SNX29: variants seen among roughly 807,000 people sequenced by gnomAD.
The protein encoded by SNX29 is sorting nexin-29.
SNX29 carries 78 observed loss-of-function variants against 102.1 expected under a neutral mutation model. The observed-to-expected ratio is 0.76, with a 90% CI of 0.64 to 0.92. The LOEUF (loss-of-function observed/expected upper bound fraction) is 0.92. Ranked by LOEUF, SNX29 falls within the 40% of genes least tolerant of loss-of-function variation. The probability of loss-of-function intolerance (pLI) is 0.00; values close to 1 mark genes in which losing one functional copy is unlikely to be tolerated. For missense variants in SNX29, 1,280 were observed against 1,061.7 expected (o/e 1.21, Z -2.86); for synonymous variants, 580 against 414.5 (o/e 1.40, Z -4.85).
chr16:12,548,654 T>G (rs1157520520), intron 20 of SNX29, among the ~76,000 whole-genome samples: 2 of 152,198 alleles, frequency 1.3e-5, no homozygotes, highest in Non-Finnish European at 2.9e-5. Flanking sequence ...TCATTTGGTG[T>G]CAACTCAGCA....
At chr16:12,382,979 A>C (rs1193718508) in intron 16 of SNX29, among the ~76,000 whole-genome samples, 2 of 152,016 alleles carry the variant, frequency 1.3e-5, no homozygotes, top group Non-Finnish European at 2.9e-5. Flanking sequence ...CCACATTTAC[A>C]AGTCACATTT....
intron 14 of SNX29, among the ~76,000 whole-genome samples, chr16:12,246,075 C>G (rs1308441190): frequency 6.6e-6 from 1 of 152,170 alleles, no homozygotes; most frequent in Non-Finnish European, 1.5e-5. Context: ...TGCTGTGTTT[C>G]TATCTCTGTT....
chr16:12,377,993 G>C (rs994781529), intron 16 of SNX29, among the ~76,000 whole-genome samples: 3 of 152,148 alleles, frequency 2.0e-5, no homozygotes, highest in African/African-American at 7.2e-5. Context: ...TGGGATCATG[G>C]TTTTTGTATT....
chr16:12,211,683 C>A (rs1230014442), intron 14 of SNX29, among the ~76,000 whole-genome samples: 1 of 152,068 alleles, frequency 6.6e-6, no homozygotes, highest in South Asian at 2.1e-4. Flanking sequence ...GGCTGGAGTC[C>A]AGAGAGAAAC....
intron 15 of SNX29, among the ~76,000 whole-genome samples, chr16:12,318,118 G>T (rs1381529810): frequency 6.6e-6 from 1 of 152,248 alleles, no homozygotes; most frequent in African/African-American, 2.4e-5. Flanking sequence ...CATTTCACAT[G>T]TGAGCCCCCA....
In SNX29 at chr16:12,161,882, T is replaced by G. The variant is rs552167608; in HGVS notation, c.1595+32124T>G. On this transcript the variant is annotated intron_variant, in intron 13 of 20. Coordinates refer to ENST00000566228, the MANE Select transcript of SNX29 (RefSeq NM_032167.5). ...GCTGGACCGCGTTTCTTACACAGTCTGCAGAACTGTGAACCAAATAGACCT... is the reference window on the plus strand; with the variant it reads ...GCTGGACCGCGTTTCTTACACAGTCGGCAGAACTGTGAACCAAATAGACCT... Among the ~76,000 whole-genome samples, 353 of 152,314 alleles carry G rather than the reference T, an allele frequency of 2.3e-3. 1 individual carries two copies. Among genetic ancestry groups the G allele is most frequent in the Non-Finnish European group, 4.1e-3 (281 of 68,032 alleles).
At chr16:12,430,103 C>G in intron 18 of SNX29, among the ~76,000 whole-genome samples, 1 of 152,238 alleles carries the variant, frequency 6.6e-6, no homozygotes, top group East Asian at 1.9e-4. Context: ...CCATTGTGAA[C>G]TGTGCATACA....
chr16:12,120,068 G>A (rs963355643), intron 11 of SNX29, among the ~76,000 whole-genome samples: 3 of 152,198 alleles, frequency 2.0e-5, no homozygotes, highest in Non-Finnish European at 4.4e-5. Flanking sequence ...GCAGGAGAGA[G>A]AAACAGAACG....
chr16:12,552,950 A>C (rs373585671), intron 20 of SNX29, among the ~76,000 whole-genome samples: 2 of 152,362 alleles, frequency 1.3e-5, no homozygotes, highest in African/African-American at 4.8e-5. Flanking sequence ...CCACGTCATC[A>C]GGAACATGGA....
chr16:12,535,761 G>C lies in SNX29; in HGVS notation c.2318+10920G>C, dbSNP rs986916173. On this transcript the variant is annotated intron_variant, in intron 20 of 20. Transcript: ENST00000566228. Reference sequence around the variant, plus strand: ...TCACGCTCGTCTTCCACCACTGTGTGTCTCCTCTGGAGGTCCTCAGAGTAT... The same window carrying C: ...TCACGCTCGTCTTCCACCACTGTGTCTCTCCTCTGGAGGTCCTCAGAGTAT... Among the ~76,000 whole-genome samples the C allele has an allele frequency of 6.6e-5, 10 of 152,020 alleles. No homozygotes were observed. In the East Asian group the frequency reaches 7.7e-4, roughly 12 times the overall value.
Position 12,569,360 on chromosome 16 carries a change from G to C in SNX29, c.*731G>C, listed in dbSNP as rs1030061868. 9 of 230,220 alleles carry C rather than the reference G, an allele frequency of 3.9e-5. No homozygotes were observed. The South Asian group carries it at 1.6e-3, about 42-fold the overall frequency. 14.3% of individuals were successfully genotyped at this position (230,220 alleles called of 1,614,324 possible). Reference sequence around the variant, plus strand: ...GGCCACCTAGGCCCTCGCCAGGCTTGGAGTGGGGGGACTCAGACATCTGGC... The same window carrying C: ...GGCCACCTAGGCCCTCGCCAGGCTTCGAGTGGGGGGACTCAGACATCTGGC... On this transcript the variant is annotated 3_prime_UTR_variant, in exon 21 of 21. Coordinates refer to ENST00000566228, the MANE Select transcript of SNX29 (RefSeq NM_032167.5).
At chr16:12,446,321 G>C (rs1004231891) in intron 18 of SNX29, among the ~76,000 whole-genome samples, 4 of 152,202 alleles carry the variant, frequency 2.6e-5, no homozygotes, top group Admixed American at 1.3e-4. Context: ...CTCCCAAAGT[G>C]CTGGGATTAC....
chr16:12,452,569 G>C (rs920673043), intron 18 of SNX29, among the ~76,000 whole-genome samples: 2 of 152,186 alleles, frequency 1.3e-5, no homozygotes, highest in Non-Finnish European at 2.9e-5. Flanking sequence ...GGATGGCTTT[G>C]TGGATGGGGA....
chr16:12,298,068 G>T (rs2080041117), intron 15 of SNX29, among the ~76,000 whole-genome samples: 1 of 152,238 alleles, frequency 6.6e-6, no homozygotes, highest in African/African-American at 2.4e-5. Context: ...TACTTGGGAG[G>T]CTGAGGCAGG....
intron 18 of SNX29, among the ~76,000 whole-genome samples, chr16:12,462,018 C>CATATATATATATATATGT (rs2086823872): frequency 1.7e-5 from 1 of 59,514 alleles, no homozygotes; most frequent in Non-Finnish European, 3.3e-5. Context: ...TATATGTATA[C>CATATATATATATATATGT]ACACACACAC....
intron 10 of SNX29, among the ~76,000 whole-genome samples, chr16:12,073,300 T>C (rs1274648203): frequency 2.0e-5 from 3 of 152,244 alleles, no homozygotes; most frequent in Non-Finnish European, 4.4e-5. Context: ...CTTTCTCTTG[T>C]GGGCATTTAG....
intron 20 of SNX29, among the ~76,000 whole-genome samples, chr16:12,550,517 ACAGTCT>A (rs911037866): frequency 1.4e-5 from 2 of 145,440 alleles, no homozygotes; most frequent in African/African-American, 2.6e-5. Context: ...TCTGGGAGAC[ACAGTCT>A]CAATCTACAA....
chr16:12,527,450 T>C (rs1334672451), intron 20 of SNX29: 3 of 429,764 alleles, frequency 7.0e-6, no homozygotes, highest in East Asian at 8.2e-5. Context: ...TCCTTGGTTC[T>C]TTCAAATGTT....
At chr16:12,389,784 C>T (rs960111084) in intron 16 of SNX29, among the ~76,000 whole-genome samples, 3 of 150,716 alleles carry the variant, frequency 2.0e-5, no homozygotes, top group African/African-American at 7.5e-5. Context: ...TCCTGGAAAC[C>T]CTGGGACCTG....
Sources: gnomAD v4.1 joint callset for allele counts (sites outside exome capture counted in the v4.1 genomes callset) on GRCh38, gnomAD v4.1.1 for gene constraint, MANE v1.5 for transcripts, NCBI Gene and HGNC (gene_info 2026-07-23, HGNC 2026-07-21) for gene names.